GABRB3: variants seen among roughly 807,000 people sequenced by gnomAD.
GABRB3 encodes gamma-aminobutyric acid type A receptor subunit beta3.
Under a neutral mutation model 52.1 loss-of-function variants are expected in GABRB3, and 14 were observed. The observed-to-expected ratio is 0.27, with a 90% CI of 0.18 to 0.42. The LOEUF is 0.42. GABRB3 is among the 10% of genes least tolerant of loss of function. GABRB3 has a pLI of 1.00. For synonymous variants in GABRB3, 260 were observed against 232.3 expected (o/e 1.12, Z -1.08); for missense variants, 307 against 609.1 (o/e 0.50, Z 5.22).
chr15:26,760,491 C>T (rs1477462854), intron 3 of GABRB3, among the ~76,000 whole-genome samples: 1 of 152,060 alleles, frequency 6.6e-6, no homozygotes, highest in East Asian at 1.9e-4. Flanking sequence ...AGGCAAAATA[C>T]CCTGAAGTAT....
chr15:26,738,965 A>G (rs1219495690), intron 3 of GABRB3, among the ~76,000 whole-genome samples: 1 of 152,244 alleles, frequency 6.6e-6, no homozygotes, highest in Non-Finnish European at 1.5e-5. Flanking sequence ...GGATGTATTC[A>G]GCACGTGCAG....
intron 1 of GABRB3, 21 bp downstream of exon 1, chr15:26,772,862 C>T: frequency 1.4e-6 from 2 of 1,451,372 alleles, no homozygotes; most frequent in Non-Finnish European, 1.8e-6. Context: ...CCGCCGCCCG[C>T]CGGCCCACCC....
In GABRB3 at chr15:26,583,122, T is replaced by C. The variant is rs1469644258; in HGVS notation, c.544+210A>G. Among the ~76,000 whole-genome samples the C allele has an allele frequency of 2.0e-5, 3 of 152,116 alleles. No homozygotes were observed. The East Asian group carries it at 5.8e-4, about 29-fold the overall frequency. Reference sequence around the variant, plus strand: ...ATGAGGGGCATTTGTTTTCTTCTATTTCAGCGCAGCAAACAGACTCTCTTA... The same window carrying C: ...ATGAGGGGCATTTGTTTTCTTCTATCTCAGCGCAGCAAACAGACTCTCTTA... On this transcript the variant is annotated intron_variant, in intron 5 of 8. Coordinates refer to ENST00000311550, the MANE Select transcript of GABRB3 (RefSeq NM_000814.6).
chr15:26,580,664 CTG>C, intron 5 of GABRB3: 2 of 702,744 alleles, frequency 2.8e-6, no homozygotes, highest in Non-Finnish European at 4.9e-6. Context: ...CAGGTTGGTA[CTG>C]AAAAGTCGAG....
chr15:26,751,347 G>A (rs1171808395), intron 3 of GABRB3, among the ~76,000 whole-genome samples: 3 of 152,132 alleles, frequency 2.0e-5, no homozygotes, highest in Non-Finnish European at 2.9e-5. Flanking sequence ...GAGATGCTCA[G>A]GAATGTGTCC....
At position 26,640,240 on chromosome 15, in the gene GABRB3, G is replaced by A. The variant is rs556182314; in HGVS notation, c.241-18706C>T. Among the ~76,000 whole-genome samples, 43 of 152,236 alleles carry A rather than the reference G, an allele frequency of 2.8e-4. No individual in the cohort carries two copies. In the East Asian group the frequency reaches 5.2e-3, roughly 18 times the overall value. ...GATTTAAAGTATCAAAACGTTGGCC[G>A]GGCGCGGTGGCTCATGCCTGTAATA... On this transcript the variant is annotated intron_variant, in intron 3 of 8. Transcript: ENST00000311550.
intron 3 of GABRB3, among the ~76,000 whole-genome samples, chr15:26,769,437 C>T (rs1448635957): frequency 6.6e-6 from 1 of 152,112 alleles, no homozygotes; most frequent in Non-Finnish European, 1.5e-5. Flanking sequence ...TGTCAATTAC[C>T]TGCTTTAAAA....
At chr15:26,629,216 C>CG in intron 3 of GABRB3, 1 of 1,431,816 alleles carries the variant, frequency 7.0e-7, no homozygotes, top group South Asian at 1.4e-5. Context: ...CAATCAGGGG[C>CG]GGGGCCTGGA....
chr15:26,744,205 C>G (rs944079745), intron 3 of GABRB3, among the ~76,000 whole-genome samples: 9 of 152,122 alleles, frequency 5.9e-5, no homozygotes, highest in African/African-American at 2.2e-4. Flanking sequence ...GTTCAGGACA[C>G]AGCGGTTGAG....
At chr15:26,579,404 T>C (rs2140728058) in intron 6 of GABRB3, among the ~76,000 whole-genome samples, 2 of 152,290 alleles carry the variant, frequency 1.3e-5, no homozygotes, top group Middle Eastern at 6.8e-3. Flanking sequence ...TAGCGCCAGA[T>C]GAAGCCTAAG....
intron 3 of GABRB3, among the ~76,000 whole-genome samples, chr15:26,696,025 G>C (rs545635039): frequency 3.3e-4 from 50 of 152,184 alleles, no homozygotes; most frequent in Admixed American, 5.9e-4. Flanking sequence ...GAAACAATAC[G>C]AAGCAAAACC....
intron 4 of GABRB3, among the ~76,000 whole-genome samples, chr15:26,617,169 C>T (rs1285072321): frequency 6.6e-6 from 1 of 152,116 alleles, no homozygotes; most frequent in African/African-American, 2.4e-5. Flanking sequence ...GGAACTGGTA[C>T]CATTCCTTCT....
intron 3 of GABRB3, among the ~76,000 whole-genome samples, chr15:26,652,855 G>A (rs906947193): frequency 1.3e-5 from 2 of 152,150 alleles, no homozygotes; most frequent in African/African-American, 4.8e-5. Flanking sequence ...AATGATGTGG[G>A]GCAGGAAAGG....
At chr15:26,560,544 T>C (rs192181179) in intron 8 of GABRB3, among the ~76,000 whole-genome samples, 1 of 152,276 alleles carries the variant, frequency 6.6e-6, no homozygotes, top group African/African-American at 2.4e-5. Context: ...GTCTGTGCCC[T>C]GAGGGTAGAC....
intron 3 of GABRB3, among the ~76,000 whole-genome samples, chr15:26,655,472 G>C (rs1416647694): frequency 6.6e-6 from 1 of 152,206 alleles, no homozygotes; most frequent in Non-Finnish European, 1.5e-5. Flanking sequence ...GCCAGGCATG[G>C]TGGTTCACGC....
intron 3 of GABRB3, among the ~76,000 whole-genome samples, chr15:26,678,470 G>A (rs1806344934): frequency 6.6e-6 from 1 of 152,070 alleles, no homozygotes; most frequent in Non-Finnish European, 1.5e-5. Context: ...ATGCTTCTCT[G>A]TGAACCTTAC....
intron 3 of GABRB3, among the ~76,000 whole-genome samples, chr15:26,674,848 G>A (rs1487403330): frequency 6.6e-6 from 1 of 152,176 alleles, no homozygotes; most frequent in Non-Finnish European, 1.5e-5. Context: ...GAAGGGCAAG[G>A]CTTACAGGAT....
chr15:26,691,695 A>G (rs1353635940), intron 3 of GABRB3, among the ~76,000 whole-genome samples: 3 of 152,310 alleles, frequency 2.0e-5, no homozygotes, highest in Middle Eastern at 3.4e-3. Context: ...GTTCTTCTAT[A>G]CTTAATTAAT....
chr15:26,583,489 C>T (rs72702137), intron 4 of GABRB3, 75 bp from the exon 5 acceptor site: 3 of 1,238,542 alleles, frequency 2.4e-6, no homozygotes, highest in African/African-American at 1.5e-5. Flanking sequence ...CTTAGATAAA[C>T]GAGTAAGCCC....
Sources: gnomAD v4.1 joint callset for allele counts (sites outside exome capture counted in the v4.1 genomes callset) on GRCh38, gnomAD v4.1.1 for gene constraint, MANE v1.5 for transcripts, NCBI Gene and HGNC (gene_info 2026-07-23, HGNC 2026-07-21) for gene names.